FHIT: variants seen among roughly 807,000 people sequenced by gnomAD.
FHIT encodes bis(5'-adenosyl)-triphosphatase.
A neutral mutation model predicts 17.9 loss-of-function variants in FHIT; 19 were observed. The observed-to-expected ratio is 1.06, with a 90% CI of 0.74 to 1.56. The LOEUF is 1.56. Ranked by LOEUF, FHIT falls within the 40% of genes most tolerant of loss-of-function variation. The probability of loss-of-function intolerance (pLI) is 0.00; values close to 1 mark genes in which losing one functional copy is unlikely to be tolerated. For synonymous variants in FHIT, 81 were observed against 69.7 expected, an observed-to-expected ratio of 1.16 and a Z score of -0.81; for missense variants, 248 against 189.2, an observed-to-expected ratio of 1.31 and a Z score of -1.82.
chr3:60,119,222 T>G (rs1705133337), intron 5 of FHIT, among the ~76,000 whole-genome samples: 1 of 151,702 alleles, frequency 6.6e-6, no homozygotes. Context: ...TACAGGTACC[T>G]GCCACCATGC....
At chr3:60,595,784 C>T (rs1389812033) in intron 4 of FHIT, among the ~76,000 whole-genome samples, 1 of 151,898 alleles carries the variant, frequency 6.6e-6, no homozygotes, top group East Asian at 1.9e-4. Flanking sequence ...GCTGTAACTA[C>T]AGGCATGCAC....
intron 1 of FHIT, among the ~76,000 whole-genome samples, chr3:61,242,796 A>G (rs1247396088): frequency 1.3e-5 from 2 of 152,206 alleles, no homozygotes; most frequent in Admixed American, 1.3e-4. Flanking sequence ...GTGCTGAGTC[A>G]GTTCCTGCAT....
At chr3:61,187,799 A>G (rs1480957697) in intron 2 of FHIT, among the ~76,000 whole-genome samples, 25 of 152,352 alleles carry the variant, frequency 1.6e-4, no homozygotes, top group East Asian at 3.9e-4. Flanking sequence ...GCTCAATTAC[A>G]TGGAAACTGA....
chr3:60,470,743 C>G (rs895398713), intron 5 of FHIT, among the ~76,000 whole-genome samples: 1 of 152,030 alleles, frequency 6.6e-6, no homozygotes, highest in Non-Finnish European at 1.5e-5. Context: ...AGATAAAGTC[C>G]TCTTTACTTT....
intron 3 of FHIT, among the ~76,000 whole-genome samples, chr3:60,854,536 A>G (rs797026488): frequency 4.7e-5 from 7 of 147,670 alleles, no homozygotes; most frequent in African/African-American, 1.5e-4. Flanking sequence ...TGGTGTCATG[A>G]ATGCCCCAGC....
chr3:60,884,404 T>A (rs782263514), intron 3 of FHIT, among the ~76,000 whole-genome samples: 10 of 152,106 alleles, frequency 6.6e-5, no homozygotes, highest in Non-Finnish European at 1.2e-4. Flanking sequence ...TGAAGAGATA[T>A]CTGCATACCC....
chr3:60,525,197 T>G (rs929275555), intron 5 of FHIT, among the ~76,000 whole-genome samples: 1 of 152,226 alleles, frequency 6.6e-6, no homozygotes, highest in Non-Finnish European at 1.5e-5. Context: ...AATCCTTACA[T>G]TGATACTTTG....
At chr3:61,126,235 A>G (rs1476831651) in intron 2 of FHIT, among the ~76,000 whole-genome samples, 1 of 147,630 alleles carries the variant, frequency 6.8e-6, no homozygotes, top group Non-Finnish European at 1.5e-5. Flanking sequence ...AATAGGAAAC[A>G]AGACAGAAAA....
At chr3:59,872,452 T>C (rs1702966120) in intron 8 of FHIT, among the ~76,000 whole-genome samples, 1 of 152,066 alleles carries the variant, frequency 6.6e-6, no homozygotes, top group Admixed American at 6.6e-5. Flanking sequence ...ATGTGAGGAG[T>C]AGAAGACAAC....
intron 8 of FHIT, among the ~76,000 whole-genome samples, chr3:59,816,249 C>A (rs2107071324): frequency 6.6e-6 from 1 of 152,234 alleles, no homozygotes; most frequent in African/African-American, 2.4e-5. Flanking sequence ...TGGGAGGATT[C>A]CATGGAATGA....
At chr3:59,852,170 G>A (rs778119926) in intron 8 of FHIT, among the ~76,000 whole-genome samples, 1 of 152,134 alleles carries the variant, frequency 6.6e-6, no homozygotes, top group Non-Finnish European at 1.5e-5. Flanking sequence ...TAAACTAGCT[G>A]GAGGCCTTCA....
chr3:60,878,364 G>A (rs1553757001), intron 3 of FHIT, among the ~76,000 whole-genome samples: 1 of 152,110 alleles, frequency 6.6e-6, no homozygotes, highest in Non-Finnish European at 1.5e-5. Flanking sequence ...GGAACTGCTT[G>A]TAGGCCATGT....
chr3:60,649,999 G>A (rs1416434906), intron 4 of FHIT, among the ~76,000 whole-genome samples: 1 of 152,084 alleles, frequency 6.6e-6, no homozygotes, highest in Non-Finnish European at 1.5e-5. Flanking sequence ...CTCAAAGAGG[G>A]GAAACAAATG....
At chr3:60,398,278 T>C (rs1191055875) in intron 5 of FHIT, among the ~76,000 whole-genome samples, 2 of 152,156 alleles carry the variant, frequency 1.3e-5, no homozygotes, top group Non-Finnish European at 2.9e-5. Context: ...CTACTTTTAT[T>C]TTAAGCAAGA....
chr3:60,613,198 G>A (rs896536728), intron 4 of FHIT, among the ~76,000 whole-genome samples: 6 of 152,142 alleles, frequency 3.9e-5, no homozygotes, highest in African/African-American at 1.2e-4. Context: ...CAGGTCAGAA[G>A]GGTCTTCAGG....
In FHIT at chr3:60,226,940, A is replaced by G. The variant is rs533897206; in HGVS notation, c.104-212788T>C. 3.3e-5 allele frequency among the ~76,000 whole-genome samples: 5 copies of G among 152,312 alleles called. No homozygotes were observed. The South Asian group carries it at 1.0e-3, about 32-fold the overall frequency. ...GTAGTAAATGAATCAAATTTAATTTAAAGGAAAATCAAAAGTCATTTCCAT... is the reference window on the plus strand; with the variant it reads ...GTAGTAAATGAATCAAATTTAATTTGAAGGAAAATCAAAAGTCATTTCCAT... On this transcript the variant is annotated intron_variant, in intron 5 of 9. Coordinates refer to ENST00000492590, the MANE Select transcript of FHIT (RefSeq NM_002012.4).
At chr3:59,822,608 T>C (rs1354329957) in intron 8 of FHIT, among the ~76,000 whole-genome samples, 1 of 152,166 alleles carries the variant, frequency 6.6e-6, no homozygotes, top group Non-Finnish European at 1.5e-5. Context: ...CTGTTGAGAA[T>C]TGTCTATTTA....
chr3:59,951,132 G>C (rs1707095052), intron 7 of FHIT, among the ~76,000 whole-genome samples: 1 of 152,192 alleles, frequency 6.6e-6, no homozygotes, highest in Non-Finnish European at 1.5e-5. Context: ...GCAAGGCTTA[G>C]GAAGGTTAAG....
chr3:60,771,017 T>C (rs1478545372), intron 4 of FHIT, among the ~76,000 whole-genome samples: 6 of 152,254 alleles, frequency 3.9e-5, no homozygotes, highest in Admixed American at 1.3e-4. Flanking sequence ...TAGCAATATT[T>C]TTTTCTGTGG....
Sources: allele counts gnomAD v4.1 joint callset (sites outside exome capture counted in the v4.1 genomes callset), GRCh38; gene constraint gnomAD v4.1.1; transcripts MANE v1.5; gene names NCBI Gene and HGNC (gene_info 2026-07-23, HGNC 2026-07-21).